Variants in UNC79 observed in about 807,000 individuals in gnomAD.
UNC79 encodes the protein unc-79 subunit of NALCN channel complex, also known as protein unc-79 homolog.
UNC79 carries 37 observed loss-of-function variants against 283.1 expected under a neutral mutation model. The observed-to-expected ratio is 0.13, with a 90% CI of 0.10 to 0.17. The LOEUF is 0.17. Among genes scored for constraint, UNC79 ranks in the 10% least tolerant of loss-of-function variants. The pLI, the probability that UNC79 is intolerant of heterozygous loss-of-function variation, is 1.00. For missense variants in UNC79, 2,272 were observed against 3,211.1 expected, an observed-to-expected ratio of 0.71 and a Z score of 7.07; for synonymous variants, 1,107 against 1,200.2, an observed-to-expected ratio of 0.92 and a Z score of 1.61.
chr14:93,619,952 G>C (rs1430362178), intron 29 of UNC79, among the ~76,000 whole-genome samples: 1 of 152,160 alleles, frequency 6.6e-6, no homozygotes, highest in African/African-American at 2.4e-5. Context: ...CTTTCAAAAG[G>C]ACGAAAGAAG....
chr14:93,503,448 A>G (rs1291994881), intron 7 of UNC79, among the ~76,000 whole-genome samples: 1 of 152,086 alleles, frequency 6.6e-6, no homozygotes, highest in Non-Finnish European at 1.5e-5. Flanking sequence ...GGATGTACAT[A>G]TATCCAACTT....
At chr14:93,453,464 A>G (rs2056708441) in intron 1 of UNC79, among the ~76,000 whole-genome samples, 1 of 152,220 alleles carries the variant, frequency 6.6e-6, no homozygotes, top group Non-Finnish European at 1.5e-5. Flanking sequence ...GAGATTAAAT[A>G]ATTTTCTAGT....
At chr14:93,448,604 T>C (rs2056537923) in intron 1 of UNC79, among the ~76,000 whole-genome samples, 1 of 152,214 alleles carries the variant, frequency 6.6e-6, no homozygotes, top group Non-Finnish European at 1.5e-5. Context: ...ATATAATGAA[T>C]GTTAAGTTTT....
At chr14:93,528,522 A>G (rs2141027274) in intron 8 of UNC79, 36 bp from the exon 9 acceptor site, 3 of 1,586,472 alleles carry the variant, frequency 1.9e-6, no homozygotes, top group Non-Finnish European at 2.6e-6. Context: ...ATACCCAGGA[A>G]CAGGAGAGTT....
At chr14:93,622,297 T>C (rs775065328) in exon 30 of UNC79, 1 of 1,614,068 alleles carries the variant, frequency 6.2e-7, no homozygotes, top group Non-Finnish European at 8.5e-7. Flanking sequence ...TACAAGTAAG[T>C]GTGGAGGATT....
intron 29 of UNC79, among the ~76,000 whole-genome samples, chr14:93,618,689 A>G (rs1000647261): frequency 1.3e-5 from 2 of 152,338 alleles, no homozygotes; most frequent in African/African-American, 4.8e-5. Flanking sequence ...TGGTTGGCAC[A>G]CAGTGGAGCC....
chr14:93,572,890 G>A, intron 16 of UNC79, 74 bp downstream of exon 16: 1 of 1,559,564 alleles, frequency 6.4e-7, no homozygotes, highest in South Asian at 1.2e-5. Context: ...TGGATCGAGA[G>A]AGTGGGAGTT....
At chr14:93,568,777 T>C (rs535434669) in intron 14 of UNC79, among the ~76,000 whole-genome samples, 1 of 152,256 alleles carries the variant, frequency 6.6e-6, no homozygotes, top group South Asian at 2.1e-4. Flanking sequence ...TTTATTTAAA[T>C]TGTGTTTCTG....
rs374088349 is a variant in UNC79 at position 93,486,656 on chromosome 14, G to GAAAAAAA, written c.620-1007_620-1006insAAAAAAA. 4.7e-4 allele frequency among the ~76,000 whole-genome samples: 37 copies of GAAAAAAA among 78,440 alleles called. 12 individuals are homozygous for GAAAAAAA. The highest frequency in any genetic ancestry group is 1.4e-3 in the South Asian group (3 of 2,132). The allele number at this position is 78,440 out of a possible 152,430, so 51.5% of individuals were successfully genotyped here. A position where few individuals can be genotyped will look rare whatever the true frequency, so the allele number is the denominator to read the frequency against. ...GCAACAAGAGTGAGACTCTGTCTAA[G>GAAAAAAA]GAAAAAAAAAAAAAAAAAAAAAGAA... On this transcript the variant is annotated intron_variant, in intron 4 of 48. Coordinates refer to ENST00000555664, the Ensembl canonical transcript of UNC79.
intron 1 of UNC79, among the ~76,000 whole-genome samples, chr14:93,392,957 C>G (rs577222127): frequency 2.0e-5 from 3 of 152,074 alleles, no homozygotes; most frequent in Non-Finnish European, 4.4e-5. Flanking sequence ...GTGATAATTC[C>G]TTTAAAAATT....
chr14:93,481,555 G>A (rs1377679560), intron 4 of UNC79, among the ~76,000 whole-genome samples: 3 of 151,956 alleles, frequency 2.0e-5, no homozygotes, highest in Admixed American at 6.6e-5. Context: ...CAGACTATGC[G>A]GTCTCATCTA....
Position 93,617,420 on chromosome 14 carries a change from G to A in UNC79, c.4224+116G>A. Reference sequence around the variant, plus strand: ...TTTTGTAGAAGTTTGACCTTCAGAAGGAAGATCAGGATATGCAATTACTGT... The same window carrying A: ...TTTTGTAGAAGTTTGACCTTCAGAAAGAAGATCAGGATATGCAATTACTGT... On this transcript the variant is annotated intron_variant, in intron 28 of 48. Coordinates refer to ENST00000555664, the Ensembl canonical transcript of UNC79. The surrounding 1 kb of genome is among the most constrained non-coding windows in gnomAD (Gnocchi z 4.5). 10 of 1,097,054 alleles carry A rather than the reference G, an allele frequency of 9.1e-6. No individual in the cohort carries two copies. The highest frequency in any genetic ancestry group is 1.3e-5 in the Non-Finnish European group (10 of 781,292). 68.0% of individuals were successfully genotyped at this position (1,097,054 alleles called of 1,614,324 possible).
chr14:93,532,481 T>A (rs1470266620), intron 10 of UNC79, 69 bp from the exon 11 acceptor site: 7 of 1,535,356 alleles, frequency 4.6e-6, no homozygotes, highest in African/African-American at 1.4e-5. Flanking sequence ...AAAAATAAAT[T>A]AATTAATTAA....
rs2063558298 is a variant in UNC79 at position 93,577,828 on chromosome 14, A to G, written c.2212-14A>G. ...TGTGAGTTCATTTCTATGTGTTGCC[A>G]TTCTTTCTTGTAGGTGAGTGTTGCC... On this transcript the variant is annotated splice_polypyrimidine_tract_variant and intron_variant, in intron 17 of 48. Coordinates refer to ENST00000555664, the Ensembl canonical transcript of UNC79. 1 of 1,612,276 alleles carries G rather than the reference A, an allele frequency of 6.2e-7. No homozygotes were observed. Among genetic ancestry groups the G allele is most frequent in the South Asian group, 1.1e-5 (1 of 90,718 alleles).
Position 93,587,784 on chromosome 14 carries a change from T to C in UNC79, c.3032+876T>C, listed in dbSNP as rs556885007. ...ACAGTCTTGGTTAAACTAAGATTCA[T>C]GGTCATGTATATGTAAGTCACTGTC... On this transcript the variant is annotated intron_variant, in intron 22 of 48. Coordinates refer to ENST00000555664, the Ensembl canonical transcript of UNC79. 9.2e-5 allele frequency among the ~76,000 whole-genome samples: 14 copies of C among 152,340 alleles called. No individual in the cohort carries two copies. In the East Asian group the frequency reaches 2.7e-3, roughly 29 times the overall value.
At chr14:93,559,312 G>A (rs2047840281) in intron 14 of UNC79, among the ~76,000 whole-genome samples, 3 of 152,202 alleles carry the variant, frequency 2.0e-5, no homozygotes, top group South Asian at 4.1e-4. Context: ...CCGCTTCAAC[G>A]GCCAAGACTC....
intron 5 of UNC79, among the ~76,000 whole-genome samples, chr14:93,492,866 A>G (rs988127613): frequency 6.6e-6 from 1 of 152,198 alleles, no homozygotes; most frequent in Non-Finnish European, 1.5e-5. Context: ...CAAATTTCCA[A>G]TTCTAGAGCA....
intron 47 of UNC79, among the ~76,000 whole-genome samples, chr14:93,700,111 T>A (rs547736884): frequency 2.4e-4 from 36 of 150,536 alleles, no homozygotes; most frequent in African/African-American, 8.8e-4. Flanking sequence ...ATATTGCTCC[T>A]CCATTGTCTT....
In UNC79 at chr14:93,654,524, C is replaced by A. The variant is rs77533041; in HGVS notation, c.6282+499C>A. ...ACATTACACTCGCAACGGAGCGAGACCCCCAACTCAAAAGAAAAATAATAG... is the reference window on the plus strand; with the variant it reads ...ACATTACACTCGCAACGGAGCGAGAACCCCAACTCAAAAGAAAAATAATAG... On this transcript the variant is annotated intron_variant, in intron 37 of 48. Coordinates refer to ENST00000555664, the Ensembl canonical transcript of UNC79. Among the ~76,000 whole-genome samples the A allele has an allele frequency of 5.3e-3, 800 of 150,594 alleles. 5 individuals carry two copies. Among genetic ancestry groups the A allele is most frequent in the Middle Eastern group, 0.031 (9 of 292 alleles).
Sources: allele counts gnomAD v4.1 joint callset (sites outside exome capture counted in the v4.1 genomes callset), GRCh38; gene constraint gnomAD v4.1.1; non-coding constraint Gnocchi (gnomAD v3.1); transcripts MANE v1.5; gene names NCBI Gene and HGNC (gene_info 2026-07-23, HGNC 2026-07-21).